MELK: variants seen among roughly 807,000 people sequenced by gnomAD.
MELK encodes maternal embryonic leucine zipper kinase.
MELK carries 81 observed loss-of-function variants against 85.0 expected under a neutral mutation model. The ratio of observed to expected loss-of-function variants is 0.95; its 90% CI spans 0.80 to 1.15. The LOEUF (loss-of-function observed/expected upper bound fraction) is 1.15. MELK is among the 50% of genes most tolerant of loss of function. MELK has a pLI of 0.00. For missense variants in MELK, 754 were observed against 777.5 expected, an observed-to-expected ratio of 0.97 and a Z score of 0.36; for synonymous variants, 252 against 265.0, an observed-to-expected ratio of 0.95 and a Z score of 0.48.
chr9:36,677,259 C>A lies in MELK; in HGVS notation c.1878C>A (p.Ile626=). ...CQLQKPDVVG[I]RRQRLKGDAW... The stretch of plus-strand genomic sequence containing the variant: ...TTCAAAAACCCGATGTGGTGGGTAT[C>A]AGGAGGCAGCGGCTTAAGGGCGATG... The change falls in exon 18 of 18, where the codon ATC becomes ATA. Residue 626 remains isoleucine (I), a synonymous_variant. Coordinates refer to ENST00000298048, the MANE Select transcript of MELK (RefSeq NM_014791.4). The A allele has an allele frequency of 6.2e-7, 1 of 1,614,120 alleles. No individual in the cohort carries two copies. The highest frequency in any genetic ancestry group is 8.5e-7 in the Non-Finnish European group (1 of 1,179,994).
intron 3 of MELK, among the ~76,000 whole-genome samples, chr9:36,585,742 G>A (rs2135171299): frequency 6.6e-6 from 1 of 152,232 alleles, no homozygotes; most frequent in Non-Finnish European, 1.5e-5. Flanking sequence ...TTCGAGACTA[G>A]CCTGGGCAAT....
intron 6 of MELK, among the ~76,000 whole-genome samples, chr9:36,598,992 T>C (rs1824609288): frequency 6.6e-6 from 1 of 152,112 alleles, no homozygotes; most frequent in Non-Finnish European, 1.5e-5. Context: ...TCTCTTTGCT[T>C]GTGCTCAAAT....
intron 8 of MELK, among the ~76,000 whole-genome samples, chr9:36,608,452 A>G (rs1036069431): frequency 2.6e-5 from 4 of 152,084 alleles, no homozygotes; most frequent in African/African-American, 7.2e-5. Context: ...AACATAGCAC[A>G]TATAGGGTTC....
rs539379347 is a variant in MELK, at chr9:36,597,151, G to A, written c.406-71G>A. 10 of 1,332,240 alleles carry A rather than the reference G, an allele frequency of 7.5e-6. No homozygotes were observed. In the African/African-American group the frequency reaches 1.4e-4, roughly 19 times the overall value. The allele number at this position is 1,332,240 out of a possible 1,614,324, so 82.5% of individuals were successfully genotyped here. On this transcript the variant is annotated intron_variant, in intron 5 of 17. Coordinates refer to ENST00000298048, the MANE Select transcript of MELK (RefSeq NM_014791.4). ...CACACCTGGCCTTAAGTCATTTTTAGAAATGGCTAGAGGTGGGATGTGATA... is the reference window on the plus strand; with the variant it reads ...CACACCTGGCCTTAAGTCATTTTTAAAAATGGCTAGAGGTGGGATGTGATA...
At chr9:36,599,366 A>G (rs533950148) in intron 6 of MELK, 28 bp from the exon 7 acceptor site, 27 of 1,448,890 alleles carry the variant, frequency 1.9e-5, no homozygotes, top group East Asian at 6.8e-5. Context: ...GTTGTAATTA[A>G]TAAGTTTCAT....
intron 10 of MELK, among the ~76,000 whole-genome samples, chr9:36,639,657 A>T (rs1374381987): frequency 6.6e-6 from 1 of 152,168 alleles, no homozygotes; most frequent in South Asian, 2.1e-4. Flanking sequence ...CCTCTTTGGA[A>T]GACACAGCTT....
chr9:36,578,243 G>GC (rs1554712226), intron 1 of MELK, among the ~76,000 whole-genome samples: 1 of 148,466 alleles, frequency 6.7e-6, no homozygotes, highest in South Asian at 2.1e-4. Context: ...GATCCAATGT[G>GC]TTTTTTTTTT....
In MELK at chr9:36,674,930, C is replaced by A; in HGVS notation, c.1771C>A (p.Gln591Lys). Residue 591 changes from glutamine to lysine, a missense_variant, in exon 17 of 18, where the codon CAA (glutamine) becomes AAA (lysine). By Grantham distance (53) the Gln-to-Lys change is moderately conservative. Coordinates refer to ENST00000298048, the MANE Select transcript of MELK (RefSeq NM_014791.4). Reference sequence around the variant, plus strand: ...TCCAAAGAAGCATGTTGACTTTGTACAAAAGGGGTAAGAAGCACATTTACA... The same window carrying A: ...TCCAAAGAAGCATGTTGACTTTGTAAAAAAGGGGTAAGAAGCACATTTACA... The part of the protein sequence containing the change: ...ILPKKHVDFV[Q>K]KGYTLKCQTQ... The A allele has an allele frequency of 6.3e-7, 1 of 1,575,108 alleles. No homozygotes were observed. Among genetic ancestry groups the A allele is most frequent in the Non-Finnish European group, 8.7e-7 (1 of 1,145,116 alleles).
intron 1 of MELK, among the ~76,000 whole-genome samples, chr9:36,580,891 G>C (rs2134960286): frequency 6.6e-6 from 1 of 152,048 alleles, no homozygotes; most frequent in East Asian, 1.9e-4. Context: ...ACCCCGCTTG[G>C]CTAATGTTTT....
intron 2 of MELK, among the ~76,000 whole-genome samples, chr9:36,583,068 G>A (rs113940360): frequency 0.034 from 5,182 of 151,636 alleles, 290 homozygotes; most frequent in African/African-American, 0.11. Flanking sequence ...CCACCTCCTG[G>A]GTTCATGCCA....
intron 8 of MELK, among the ~76,000 whole-genome samples, chr9:36,612,719 T>C (rs934032977): frequency 1.3e-5 from 2 of 152,240 alleles, no homozygotes; most frequent in Non-Finnish European, 2.9e-5. Context: ...GCTCAAAAAT[T>C]AATGTGTACT....
chr9:36,675,159 T>A (rs532993987), intron 17 of MELK, among the ~76,000 whole-genome samples: 2 of 152,262 alleles, frequency 1.3e-5, no homozygotes, highest in South Asian at 4.1e-4. Flanking sequence ...TGGTGGCACA[T>A]GCCTGTAGTT....
At position 36,577,844 on chromosome 9, in the gene MELK, G is replaced by A. The variant is rs192469326; in HGVS notation, c.-38-3800G>A. 2.0e-5 allele frequency among the ~76,000 whole-genome samples: 3 copies of A among 151,618 alleles called. No homozygotes were observed. In the East Asian group the frequency reaches 5.9e-4, roughly 30 times the overall value. ...TTTTTTATATTTTTAGTAGAGACGGGGTTTCTCCATGTTGGTCAGGCTGGT... is the reference window on the plus strand; with the variant it reads ...TTTTTTATATTTTTAGTAGAGACGGAGTTTCTCCATGTTGGTCAGGCTGGT... On this transcript the variant is annotated intron_variant, in intron 1 of 17. Transcript: ENST00000298048.
rs1045751226 is a variant in MELK, at chr9:36,677,418, A to T, written c.*81A>T. On this transcript the variant is annotated 3_prime_UTR_variant, in exon 18 of 18. Transcript: ENST00000298048. ...AGACTGTTATGATCGCTTTGATTTT[A>T]AAGTTCATTGGAACTACCAACTTGT... 16 of 1,323,944 alleles carry T rather than the reference A, an allele frequency of 1.2e-5. No individual in the cohort carries two copies. The African/African-American group carries it at 2.1e-4, about 17-fold the overall frequency. 82.0% of individuals were successfully genotyped at this position (1,323,944 alleles called of 1,614,324 possible).
chr9:36,664,624 A>G (rs558266957), intron 13 of MELK, among the ~76,000 whole-genome samples: 3 of 152,218 alleles, frequency 2.0e-5, no homozygotes, highest in Non-Finnish European at 4.4e-5. Context: ...CAAGACCAAG[A>G]CACCCTTTTT....
At chr9:36,608,259 C>T (rs1428683396) in intron 8 of MELK, among the ~76,000 whole-genome samples, 1 of 103,870 alleles carries the variant, frequency 9.6e-6, no homozygotes, top group Non-Finnish European at 1.7e-5. Flanking sequence ...GCCTGGGCGA[C>T]AGAGCAAGAC....
At chr9:36,655,011 C>A (rs577942949) in intron 12 of MELK, among the ~76,000 whole-genome samples, 1 of 152,080 alleles carries the variant, frequency 6.6e-6, no homozygotes, top group Admixed American at 6.6e-5. Context: ...TAATCATGAT[C>A]GATCAATCAA....
intron 7 of MELK, among the ~76,000 whole-genome samples, chr9:36,604,268 CTTTTTTT>C (rs10598117): frequency 5.9e-5 from 2 of 33,750 alleles, no homozygotes; most frequent in South Asian, 1.7e-3. Context: ...CGCGCCCGGG[CTTTTTTT>C]TTTTTTTTTT....
chr9:36,606,682 T>G (rs1466857314), intron 7 of MELK: 1 of 147,824 alleles, frequency 6.8e-6, no homozygotes, highest in Non-Finnish European at 1.5e-5. Flanking sequence ...GACATATATA[T>G]GTATACATGT....
Sources: allele counts gnomAD v4.1 joint callset (sites outside exome capture counted in the v4.1 genomes callset), GRCh38; gene constraint gnomAD v4.1.1; transcripts MANE v1.5; gene names NCBI Gene and HGNC (gene_info 2026-07-23, HGNC 2026-07-21).